The following CFAP61 variants were observed in gnomAD, a reference collection of about 807,000 sequenced individuals.
CFAP61 encodes the protein cilia- and flagella-associated protein 61.
In CFAP61, 107 loss-of-function variants were observed where a neutral mutation model predicts 135.6. The observed-to-expected ratio is 0.79, with a 90% confidence interval of 0.67 to 0.93. The LOEUF (loss-of-function observed/expected upper bound fraction) is 0.93, where lower values mean the gene tolerates loss of function less well. CFAP61 is among the 40% of genes least tolerant of loss of function. The probability of loss-of-function intolerance (pLI) is 0.00; values close to 1 mark genes in which losing one functional copy is unlikely to be tolerated. For synonymous variants in CFAP61, 575 were observed against 578.5 expected, an observed-to-expected ratio of 0.99 and a Z score of 0.09; for missense variants, 1,507 against 1,556.2, an observed-to-expected ratio of 0.97 and a Z score of 0.53.
chr20:20,097,850 C>A (rs2047694640), intron 7 of CFAP61, among the ~76,000 whole-genome samples: 1 of 152,220 alleles, frequency 6.6e-6, no homozygotes, highest in South Asian at 2.1e-4. Flanking sequence ...TAAGTGACTT[C>A]AAGACAAATT....
intron 2 of CFAP61, among the ~76,000 whole-genome samples, chr20:20,064,073 A>G (rs916496962): frequency 2.2e-5 from 3 of 136,608 alleles, no homozygotes; most frequent in Non-Finnish European, 3.1e-5. Flanking sequence ...ATATATTCCA[A>G]GACCCCCAGT....
intron 26 of CFAP61, among the ~76,000 whole-genome samples, chr20:20,346,359 A>G (rs2058635801): frequency 6.6e-6 from 1 of 151,114 alleles, no homozygotes; most frequent in Non-Finnish European, 1.5e-5. Flanking sequence ...TCTACTAAAA[A>G]TACAAAAAAC....
chr20:20,127,025 G>A (rs1316946093), intron 8 of CFAP61, among the ~76,000 whole-genome samples: 1 of 151,364 alleles, frequency 6.6e-6, no homozygotes. Flanking sequence ...ACTTACCAGA[G>A]CATTTTGCAT....
At chr20:20,248,935 A>G (rs2050674621) in intron 19 of CFAP61, among the ~76,000 whole-genome samples, 1 of 152,154 alleles carries the variant, frequency 6.6e-6, no homozygotes, top group African/African-American at 2.4e-5. Context: ...AGAACTTTCT[A>G]TGAAGACAGT....
intron 13 of CFAP61, among the ~76,000 whole-genome samples, chr20:20,184,187 C>T (rs779121278): frequency 6.6e-6 from 1 of 152,168 alleles, no homozygotes; most frequent in Non-Finnish European, 1.5e-5. Flanking sequence ...ACTTTCCAGT[C>T]CAGTATCCAA....
intron 25 of CFAP61, among the ~76,000 whole-genome samples, chr20:20,340,978 GAACT>G (rs1378229394): frequency 4.6e-5 from 7 of 152,050 alleles, no homozygotes; most frequent in African/African-American, 9.7e-5. Flanking sequence ...CCATCCCTAA[GAACT>G]AACTTTTACG....
intron 4 of CFAP61, among the ~76,000 whole-genome samples, chr20:20,074,661 G>A (rs1012943137): frequency 8.5e-5 from 13 of 152,214 alleles, no homozygotes; most frequent in Non-Finnish European, 1.5e-4. Context: ...ATTAAGTGTC[G>A]CAAGCTTGGA....
At position 20,253,544 on chromosome 20, in the gene CFAP61, C is replaced by T. The variant is rs555508674; in HGVS notation, c.2328+1781C>T. The T allele has an allele frequency of 5.8e-4, 279 of 481,708 alleles. 3 individuals are homozygous for T. Among genetic ancestry groups the T allele is most frequent in the South Asian group, 1.8e-3 (120 of 64,866 alleles). 29.8% of individuals were successfully genotyped at this position (481,708 alleles called of 1,614,324 possible). A position where few individuals can be genotyped will look rare whatever the true frequency, so the allele number is the denominator to read the frequency against. On this transcript the variant is annotated intron_variant, in intron 20 of 26. Transcript: ENST00000245957. ...CAGAGAATCTACATGTAAACCCTTA[C>T]GTTCAGCATGACTCTGCATTTTTAA...
intron 21 of CFAP61, among the ~76,000 whole-genome samples, chr20:20,264,660 G>A (rs999805792): frequency 5.3e-5 from 8 of 152,178 alleles, no homozygotes; most frequent in Non-Finnish European, 1.2e-4. Flanking sequence ...GGGGGGCCAA[G>A]GTGAGAGGAT....
chr20:20,087,197 T>G (rs1370178841), intron 6 of CFAP61, among the ~76,000 whole-genome samples: 3 of 152,112 alleles, frequency 2.0e-5, no homozygotes, highest in Admixed American at 1.3e-4. Flanking sequence ...CCGGGTATAT[T>G]GCATGATGCT....
At chr20:20,258,078 G>T (rs1054445011) in intron 20 of CFAP61, among the ~76,000 whole-genome samples, 22 of 152,148 alleles carry the variant, frequency 1.4e-4, no homozygotes, top group Admixed American at 6.5e-5. Flanking sequence ...GTGGATTAGG[G>T]TTAGGGCTTC....
At chr20:20,261,757 C>T (rs1408710330) in intron 20 of CFAP61, among the ~76,000 whole-genome samples, 1 of 152,080 alleles carries the variant, frequency 6.6e-6, no homozygotes, top group Non-Finnish European at 1.5e-5. Context: ...ATACTCTACA[C>T]TGGCAGCAAC....
At chr20:20,181,798 T>G (rs527573864) in intron 13 of CFAP61, among the ~76,000 whole-genome samples, 76 of 152,306 alleles carry the variant, frequency 5.0e-4, no homozygotes, top group African/African-American at 1.6e-3. Context: ...CACTAAACCC[T>G]TCTGGTTACT....
chr20:20,206,103 T>C (rs1174067268), intron 17 of CFAP61, among the ~76,000 whole-genome samples: 3 of 152,174 alleles, frequency 2.0e-5, no homozygotes, highest in African/African-American at 7.2e-5. Context: ...AAGATGAGGC[T>C]GTAAGGATAT....
chr20:20,209,352 G>A (rs2047465846), intron 17 of CFAP61, among the ~76,000 whole-genome samples: 1 of 152,136 alleles, frequency 6.6e-6, no homozygotes. Flanking sequence ...CCTGGAAATG[G>A]TATTGCTCAG....
At chr20:20,168,591 G>A (rs910108933) in intron 12 of CFAP61, among the ~76,000 whole-genome samples, 2 of 152,128 alleles carry the variant, frequency 1.3e-5, no homozygotes, top group Admixed American at 6.5e-5. Flanking sequence ...AACTTTTCCA[G>A]TAATGGAATT....
chr20:20,197,328 C>T (rs185714811), intron 16 of CFAP61, among the ~76,000 whole-genome samples: 27 of 152,284 alleles, frequency 1.8e-4, no homozygotes, highest in African/African-American at 5.3e-4. Context: ...TGGTAATAGA[C>T]GCGAATCTGA....
Position 20,360,577 on chromosome 20 carries a change from C to A in CFAP61, c.*167C>A. ...ACTTATGCCTGTAGTTTTCTATCATCCCAGTAGGTGGCACACGGCCGTGTG... is the reference window on the plus strand; with the variant it reads ...ACTTATGCCTGTAGTTTTCTATCATACCAGTAGGTGGCACACGGCCGTGTG... On this transcript the variant is annotated 3_prime_UTR_variant, in exon 27 of 27. Coordinates refer to ENST00000245957, the MANE Select transcript of CFAP61 (RefSeq NM_015585.4). 1.6e-6 allele frequency: 1 copy of A among 624,008 alleles called. No homozygotes were observed. The highest frequency in any genetic ancestry group is 2.8e-6 in the Non-Finnish European group (1 of 358,844). The allele number at this position is 624,008 out of a possible 1,614,324, so 38.7% of individuals were successfully genotyped here.
chr20:20,262,961 A>G lies in CFAP61; in HGVS notation c.2334A>G (p.Pro778=). 2 of 1,610,120 alleles carry G rather than the reference A, an allele frequency of 1.2e-6. No homozygotes were observed. ...ATTTCTCTAACATGCTTCAGGTCCC[A>G]TGCCCTACAGAGGCTGATATTAGTC... ...ILCTGQQYQV[P]CPTEADISQH... is the part of the protein sequence containing the mutation. Residue 778 remains proline, a synonymous_variant, in exon 21 of 27, where the codon CCA becomes CCG. Coordinates refer to ENST00000245957, the MANE Select transcript of CFAP61 (RefSeq NM_015585.4).
Sources: allele counts gnomAD v4.1 joint callset (sites outside exome capture counted in the v4.1 genomes callset), GRCh38; gene constraint gnomAD v4.1.1; transcripts MANE v1.5; gene names NCBI Gene and HGNC (gene_info 2026-07-23, HGNC 2026-07-21).